ROBO2: variants seen among roughly 807,000 people sequenced by gnomAD.
The protein encoded by ROBO2 is roundabout guidance receptor 2.
Under a neutral mutation model 160.8 loss-of-function variants are expected in ROBO2, and 53 were observed. The observed-to-expected ratio is 0.33, with a 90% CI of 0.26 to 0.41. The LOEUF (loss-of-function observed/expected upper bound fraction) is 0.41, where lower values mean the gene tolerates loss of function less well. ROBO2 is among the 10% of genes least tolerant of loss of function. ROBO2 has a pLI of 1.00. For missense variants in ROBO2, 1,577 were observed against 1,722.4 expected (o/e 0.92, Z 1.49); for synonymous variants, 664 against 611.7 (o/e 1.09, Z -1.26).
At chr3:77,511,566 AATGC>A (rs2089402196) in intron 5 of ROBO2, among the ~76,000 whole-genome samples, 1 of 152,018 alleles carries the variant, frequency 6.6e-6, no homozygotes, top group African/African-American at 2.4e-5. Context: ...TTAGCTGGAA[AATGC>A]CTTGCTCTCT....
At chr3:76,235,099 A>T (rs557404753) in intron 2 of ROBO2, among the ~76,000 whole-genome samples, 9 of 152,276 alleles carry the variant, frequency 5.9e-5, no homozygotes, top group African/African-American at 2.2e-4. Context: ...AGTGGACTGT[A>T]GTCTCTAAAA....
chr3:77,156,952 C>G (rs944022117), intron 2 of ROBO2, among the ~76,000 whole-genome samples: 1 of 151,896 alleles, frequency 6.6e-6, no homozygotes, highest in Non-Finnish European at 1.5e-5. Flanking sequence ...CAATATCACT[C>G]GGGAACTTGG....
At chr3:76,840,561 G>A (rs1222501026) in intron 2 of ROBO2, among the ~76,000 whole-genome samples, 1 of 149,350 alleles carries the variant, frequency 6.7e-6, no homozygotes, top group African/African-American at 2.5e-5. Flanking sequence ...AGTGAGCCGA[G>A]ATCGCACCAC....
At chr3:76,095,884 T>A (rs2069428928) in intron 2 of ROBO2, among the ~76,000 whole-genome samples, 1 of 151,906 alleles carries the variant, frequency 6.6e-6, no homozygotes, top group Non-Finnish European at 1.5e-5. Flanking sequence ...GTAAAATATA[T>A]AATACTAAGC....
intron 2 of ROBO2, among the ~76,000 whole-genome samples, chr3:76,393,235 A>T (rs1031463391): frequency 3.4e-4 from 52 of 152,204 alleles, no homozygotes; most frequent in Non-Finnish European, 1.2e-4. Context: ...AAGGTGTTTT[A>T]AGTAACCCAG....
intron 2 of ROBO2, among the ~76,000 whole-genome samples, chr3:75,942,259 T>C (rs1244886125): frequency 6.6e-6 from 1 of 152,130 alleles, no homozygotes; most frequent in East Asian, 1.9e-4. Flanking sequence ...GTTTATGTTT[T>C]GTGAGGTTGC....
At chr3:76,951,889 A>T (rs1011163704) in intron 2 of ROBO2, among the ~76,000 whole-genome samples, 1 of 152,224 alleles carries the variant, frequency 6.6e-6, no homozygotes, top group Non-Finnish European at 1.5e-5. Flanking sequence ...GCATACAGCC[A>T]TTGATACTAT....
chr3:77,273,349 G>T (rs1403439543), intron 2 of ROBO2, among the ~76,000 whole-genome samples: 1 of 152,150 alleles, frequency 6.6e-6, no homozygotes, highest in Non-Finnish European at 1.5e-5. Flanking sequence ...CACTTAGAAG[G>T]TATCTTTGAA....
At chr3:76,269,236 T>TAA (rs1707279967) in intron 2 of ROBO2, among the ~76,000 whole-genome samples, 1 of 152,106 alleles carries the variant, frequency 6.6e-6, no homozygotes, top group African/African-American at 2.4e-5. Context: ...TCTAATGTGG[T>TAA]TATTACACAT....
chr3:77,076,396 G>A (rs564327311), intron 1 of ROBO2, among the ~76,000 whole-genome samples: 5 of 152,120 alleles, frequency 3.3e-5, no homozygotes, highest in African/African-American at 9.6e-5. Flanking sequence ...TTTAGCATAC[G>A]TGGTACTAAA....
At chr3:77,323,314 C>G (rs1369109459) in intron 2 of ROBO2, among the ~76,000 whole-genome samples, 5 of 151,688 alleles carry the variant, frequency 3.3e-5, no homozygotes, top group Non-Finnish European at 7.4e-5. Context: ...TGGCAATACT[C>G]ACCTGCTGTT....
At chr3:76,890,870 T>A (rs2074296134) in intron 2 of ROBO2, among the ~76,000 whole-genome samples, 1 of 152,154 alleles carries the variant, frequency 6.6e-6, no homozygotes, top group Non-Finnish European at 1.5e-5. Flanking sequence ...TGGCAGTAGG[T>A]AGCCTTATCT....
chr3:76,248,297 A>G (rs1705750976), intron 2 of ROBO2, among the ~76,000 whole-genome samples: 1 of 152,094 alleles, frequency 6.6e-6, no homozygotes, highest in Non-Finnish European at 1.5e-5. Context: ...TACATCATGG[A>G]ATACTATGCA....
intron 2 of ROBO2, among the ~76,000 whole-genome samples, chr3:76,918,853 C>T (rs188935566): frequency 4.9e-4 from 74 of 152,194 alleles, no homozygotes; most frequent in African/African-American, 1.7e-3. Flanking sequence ...TTTTAATAAT[C>T]GCCATTCTGA....
intron 2 of ROBO2, among the ~76,000 whole-genome samples, chr3:76,954,353 C>T (rs1474648328): frequency 6.6e-6 from 1 of 152,182 alleles, no homozygotes; most frequent in Non-Finnish European, 1.5e-5. Context: ...AACTCACATG[C>T]AACTACACTT....
chr3:76,019,522 C>T (rs1419357235), intron 2 of ROBO2, among the ~76,000 whole-genome samples: 1 of 151,836 alleles, frequency 6.6e-6, no homozygotes, highest in Non-Finnish European at 1.5e-5. Context: ...ATTATGGCCT[C>T]CCCACATGGT....
intron 2 of ROBO2, among the ~76,000 whole-genome samples, chr3:76,059,177 G>A (rs1352703865): frequency 6.6e-6 from 1 of 151,644 alleles, no homozygotes; most frequent in African/African-American, 2.4e-5. Flanking sequence ...TAATGGGATG[G>A]CTGGGTCAAA....
intron 2 of ROBO2, among the ~76,000 whole-genome samples, chr3:76,115,314 C>A (rs1339701970): frequency 6.6e-6 from 1 of 152,094 alleles, no homozygotes. Flanking sequence ...CAGATATGAT[C>A]CAATCAGATC....
chr3:75,991,305 T>C (rs182640675), intron 2 of ROBO2, among the ~76,000 whole-genome samples: 1 of 152,286 alleles, frequency 6.6e-6, no homozygotes, highest in African/African-American at 2.4e-5. Flanking sequence ...TCATCTTGAA[T>C]TGTAACTCCT....
Sources: allele counts gnomAD v4.1 joint callset (sites outside exome capture counted in the v4.1 genomes callset), GRCh38; gene constraint gnomAD v4.1.1; transcripts MANE v1.5; gene names NCBI Gene and HGNC (gene_info 2026-07-23, HGNC 2026-07-21).